The following AKAP6 variants were observed in gnomAD, a reference collection of about 807,000 sequenced individuals.
AKAP6 encodes A-kinase anchor protein 6.
Under a neutral mutation model 188.5 loss-of-function variants are expected in AKAP6, and 58 were observed. The observed-to-expected ratio is 0.31, with a 90% CI of 0.25 to 0.38. The LOEUF is 0.38. Among genes scored for constraint, AKAP6 ranks in the 10% least tolerant of loss-of-function variants. The pLI is 1.00. For missense variants in AKAP6, 2,710 were observed against 2,740.0 expected (o/e 0.99, Z 0.24); for synonymous variants, 989 against 998.6 (o/e 0.99, Z 0.18).
At chr14:32,625,668 C>A (rs1445103560) in intron 7 of AKAP6, among the ~76,000 whole-genome samples, 1 of 151,598 alleles carries the variant, frequency 6.6e-6, no homozygotes, top group African/African-American at 2.4e-5. Flanking sequence ...AAAAACCCTT[C>A]TTACTCCATT....
At chr14:32,389,214 C>G (rs1034838318) in intron 1 of AKAP6, among the ~76,000 whole-genome samples, 1 of 152,044 alleles carries the variant, frequency 6.6e-6, no homozygotes, top group African/African-American at 2.4e-5. Flanking sequence ...CACCCCTTTA[C>G]CTTAAGTTTG....
rs151293575 is a variant in AKAP6, at chr14:32,665,490, C to T, written c.2731-12821C>T. ...AATAGGGTAAGGGGCACAGGGCTCC[C>T]ATGCCCTTCCTGGGCGTGTCACCCT... On this transcript the variant is annotated intron_variant, in intron 7 of 13. Coordinates refer to ENST00000280979, the MANE Select transcript of AKAP6 (RefSeq NM_004274.5). 1.2e-4 allele frequency among the ~76,000 whole-genome samples: 18 copies of T among 152,246 alleles called. No homozygotes were observed. The East Asian group carries it at 3.5e-3, about 29-fold the overall frequency.
intron 2 of AKAP6, among the ~76,000 whole-genome samples, chr14:32,451,734 G>A (rs1264242100): frequency 6.6e-6 from 1 of 151,904 alleles, no homozygotes; most frequent in Non-Finnish European, 1.5e-5. Context: ...AGTTACATGT[G>A]GCTATTTAAA....
At chr14:32,694,806 C>A (rs1452782907) in intron 8 of AKAP6, among the ~76,000 whole-genome samples, 2 of 152,058 alleles carry the variant, frequency 1.3e-5, no homozygotes, top group Non-Finnish European at 2.9e-5. Flanking sequence ...AGTGGATTTT[C>A]ATTTTCACGG....
At chr14:32,826,310 G>A (rs2034671129) in intron 13 of AKAP6, among the ~76,000 whole-genome samples, 1 of 152,174 alleles carries the variant, frequency 6.6e-6, no homozygotes, top group Non-Finnish European at 1.5e-5. Context: ...GAGAACAAAA[G>A]TAGGAGAGAG....
At chr14:32,449,069 C>T (rs1182531397) in intron 2 of AKAP6, among the ~76,000 whole-genome samples, 3 of 152,134 alleles carry the variant, frequency 2.0e-5, no homozygotes, top group East Asian at 1.9e-4. Flanking sequence ...CAGGAGAGAT[C>T]ATCACCCTGA....
At chr14:32,400,136 C>A (rs1275359678) in intron 1 of AKAP6, among the ~76,000 whole-genome samples, 1 of 152,016 alleles carries the variant, frequency 6.6e-6, no homozygotes, top group South Asian at 2.1e-4. Flanking sequence ...GAGGGCAGGT[C>A]TGTGGTTATA....
intron 2 of AKAP6, among the ~76,000 whole-genome samples, chr14:32,454,235 T>A (rs3784193): frequency 0.41 from 62,827 of 152,096 alleles, 18,346 homozygotes; most frequent in African/African-American, 0.83. Context: ...TTTTAAAAAA[T>A]ATATCTGATA....
intron 7 of AKAP6, among the ~76,000 whole-genome samples, chr14:32,643,761 C>T (rs1354023864): frequency 1.3e-5 from 2 of 152,114 alleles, no homozygotes; most frequent in Admixed American, 6.5e-5. Flanking sequence ...ATCAGGAAGA[C>T]ATAAAGACAG....
chr14:32,382,402 CT>C (rs1206201026), intron 1 of AKAP6, among the ~76,000 whole-genome samples: 4 of 152,104 alleles, frequency 2.6e-5, no homozygotes, highest in Admixed American at 6.6e-5. Context: ...TGCACACTGT[CT>C]TTGAGGCTTA....
In AKAP6 at chr14:32,557,318, G is replaced by A. The variant is rs567901839; in HGVS notation, c.2346+10319G>A. ...TTCACCATGTGCCCAGGCTGGTGTC[G>A]AACTCCTTGGCTCAAGCCATCCTCC... is the stretch of plus-strand genomic sequence containing the variant. On this transcript the variant is annotated intron_variant, in intron 4 of 13. Coordinates refer to ENST00000280979, the MANE Select transcript of AKAP6 (RefSeq NM_004274.5). Among the ~76,000 whole-genome samples the A allele has an allele frequency of 3.9e-5, 6 of 152,190 alleles. No homozygotes were observed. In the East Asian group the frequency reaches 7.7e-4, roughly 20 times the overall value.
Position 32,823,130 on chromosome 14 carries a change from G to A in AKAP6, c.5317G>A (p.Glu1773Lys). The A allele has an allele frequency of 6.2e-7, 1 of 1,613,746 alleles. No homozygotes were observed. The highest frequency in any genetic ancestry group is 8.5e-7 in the Non-Finnish European group (1 of 1,179,856). ...LTEEELCIKD[E>K]DDDSSIATDD... The stretch of plus-strand genomic sequence containing the variant: ...TGAAGAAGAGCTGTGCATCAAAGAT[G>A]AGGATGACGACTCCAGTATTGCAAC... Residue 1773 changes from glutamate to lysine, a missense_variant, in exon 13 of 14, where the codon GAG (glutamate) becomes AAG (lysine). This residue lies in a region of AKAP6 where 2,473 missense variants were observed against 2,426.1 expected (regional missense o/e 1.02). Coordinates refer to ENST00000280979, the MANE Select transcript of AKAP6 (RefSeq NM_004274.5).
intron 7 of AKAP6, among the ~76,000 whole-genome samples, chr14:32,604,015 T>A (rs1886039360): frequency 6.6e-6 from 1 of 152,082 alleles, no homozygotes; most frequent in Non-Finnish European, 1.5e-5. Context: ...AATTTAAATA[T>A]CAAGAAGAAA....
At chr14:32,408,242 G>A (rs540818589) in intron 1 of AKAP6, among the ~76,000 whole-genome samples, 1 of 152,264 alleles carries the variant, frequency 6.6e-6, no homozygotes, top group East Asian at 1.9e-4. Flanking sequence ...AATGAACAGG[G>A]AAGGAGGGGA....
rs184330164 is a variant in AKAP6 at position 32,713,930 on chromosome 14, G to A, written c.3000+17820G>A. On this transcript the variant is annotated intron_variant, in intron 9 of 13. Coordinates refer to ENST00000280979, the MANE Select transcript of AKAP6 (RefSeq NM_004274.5). ...TTGGCTAACTGGCACAAGAGGCCTC[G>A]TTTTCAGACTATCTCAGCTTTTTAC... is the stretch of plus-strand genomic sequence containing the variant. Among the ~76,000 whole-genome samples, 31 of 152,138 alleles carry A rather than the reference G, an allele frequency of 2.0e-4. No homozygotes were observed. The East Asian group carries it at 5.4e-3, about 27-fold the overall frequency.
rs538275645 is a variant in AKAP6, at chr14:32,489,370, AG to A, written c.325-46183del. On this transcript the variant is annotated intron_variant, in intron 2 of 13. Coordinates refer to ENST00000280979, the MANE Select transcript of AKAP6 (RefSeq NM_004274.5). The stretch of plus-strand genomic sequence containing the variant: ...ACTCCAGGCAGATGCCACCACGTCT[AG>A]CTAATTTTTAAAATTTTTTATAGAG... Among the ~76,000 whole-genome samples the A allele has an allele frequency of 4.4e-4, 67 of 152,136 alleles. No homozygotes were observed. The Middle Eastern group carries it at 0.014, about 31-fold the overall frequency.
At chr14:32,689,077 AT>A (rs1890053456) in intron 8 of AKAP6, among the ~76,000 whole-genome samples, 1 of 152,210 alleles carries the variant, frequency 6.6e-6, no homozygotes, top group Middle Eastern at 3.2e-3. Context: ...TTTTAAAAAA[AT>A]CATCTCTTTG....
chr14:32,342,296 A>C (rs1444484458), intron 1 of AKAP6, among the ~76,000 whole-genome samples: 1 of 152,128 alleles, frequency 6.6e-6, no homozygotes, highest in Non-Finnish European at 1.5e-5. Context: ...TCCTTTCTGA[A>C]CTTCCTGTCT....
At chr14:32,430,216 A>C (rs142054160) in intron 1 of AKAP6, among the ~76,000 whole-genome samples, 1 of 152,204 alleles carries the variant, frequency 6.6e-6, no homozygotes, top group African/African-American at 2.4e-5. Context: ...TCTCTGGATA[A>C]ATAACCCTAG....
Sources: gnomAD v4.1 joint callset for allele counts (sites outside exome capture counted in the v4.1 genomes callset) on GRCh38, gnomAD v4.1.1 for gene constraint, gnomAD v4.1.1 regional missense constraint, MANE v1.5 for transcripts, NCBI Gene and HGNC (gene_info 2026-07-23, HGNC 2026-07-21) for gene names.